SLC10A3: variants seen among roughly 807,000 people sequenced by gnomAD.
SLC10A3 encodes the protein solute carrier family 10 member 3.
A neutral mutation model predicts 1.9 loss-of-function variants in SLC10A3; 1 was observed. The ratio of observed to expected loss-of-function variants is 0.52; its 90% confidence interval spans 0.19 to 2.48. The LOEUF is 2.48. Among genes scored for constraint, SLC10A3 ranks in the 30% most tolerant of loss-of-function variants. SLC10A3 has a pLI of 0.25. For missense variants in SLC10A3, 317 were observed against 398.5 expected, an observed-to-expected ratio of 0.80 and a Z score of 1.74; for synonymous variants, 202 against 189.3, an observed-to-expected ratio of 1.07 and a Z score of -0.55.
Position 154,488,408 on chromosome X carries a change from G to A in SLC10A3, c.533C>T (p.Ala178Val), listed in dbSNP as rs782065564. Residue 178 changes from alanine (A) to valine (V), a missense_variant, in exon 2 of 2, where the codon GCC becomes GTC. Coordinates refer to ENST00000651600, the MANE Select transcript of SLC10A3 (RefSeq NM_019848.5). Reference sequence around the variant, plus strand: ...GTGGGCCAGGTCGGCGCTGAGGGTGGCAGGCGTGTCTTCAGCAGGTGAGAC... The same window carrying A: ...GTGGGCCAGGTCGGCGCTGAGGGTGACAGGCGTGTCTTCAGCAGGTGAGAC... ...IKVSPAEDTP[A>V]TLSADLAHFS... 8.3e-7 allele frequency: 1 copy of A among 1,211,269 alleles called. No homozygotes were observed. Among genetic ancestry groups the A allele is most frequent in the Non-Finnish European group, 1.1e-6 (1 of 895,183 alleles).
rs782316383 is a variant in SLC10A3, at chrX:154,487,964, G to A, written c.977C>T (p.Thr326Ile). 4.1e-6 allele frequency: 5 copies of A among 1,209,925 alleles called. No homozygotes were observed. Among genetic ancestry groups the A allele is most frequent in the Admixed American group, 2.2e-5 (1 of 45,860 alleles). The change falls in exon 2 of 2, where the codon ACC (threonine) becomes ATC (isoleucine). Residue 326 changes from threonine (T) to isoleucine (I), a missense_variant. Transcript: ENST00000651600. ...LHVPISKILG[T>I]LLFIAIPIAV... ...TATGGGGATGGCAATGAACAGCAGG[G>A]TCCCCAGGATCTTGGAGATGGGCAC... is the stretch of plus-strand genomic sequence containing the variant.
Position 154,488,541 on chromosome X carries a change from TCAC to T in SLC10A3, c.397_399del (p.Val133del), listed in dbSNP as rs782328181. Reference sequence around the variant, plus strand: ...AGCCCAGCCAGGCCTGAGTGGATGCTCACCACAAAGCCACCCCCGCCTCCCCAG... The same window carrying T: ...AGCCCAGCCAGGCCTGAGTGGATGCTCACAAAGCCACCCCCGCCTCCCCAG... On this transcript the variant is annotated inframe_deletion, in exon 2 of 2. Transcript: ENST00000651600. 5.0e-6 allele frequency: 6 copies of T among 1,210,021 alleles called. No homozygotes were observed. The highest frequency in any genetic ancestry group is 6.7e-6 in the Non-Finnish European group (6 of 894,784).
chrX:154,487,594 G>C lies in SLC10A3; in HGVS notation c.1347C>G (p.Pro449=). The C allele has an allele frequency of 8.3e-7, 1 of 1,210,560 alleles. No homozygotes were observed. Among genetic ancestry groups the C allele is most frequent in the Non-Finnish European group, 1.1e-6 (1 of 895,186 alleles). Residue 449 remains proline, a synonymous_variant, in exon 2 of 2, where the codon CCC becomes CCG. Coordinates refer to ENST00000651600, the MANE Select transcript of SLC10A3 (RefSeq NM_019848.5). ...RLQADYASQA[P]FIVALSGTSE... is the part of the protein sequence containing the mutation. The stretch of plus-strand genomic sequence containing the variant: ...AGGTGCCGCTCAGCGCCACAATGAA[G>C]GGGGCCTGGGAGGCATAGTCAGCTT...
Position 154,488,952 on chromosome X carries a change from G to A in SLC10A3, c.-12C>T, listed in dbSNP as rs781811986. The A allele has an allele frequency of 1.7e-6, 2 of 1,196,471 alleles. No individual in the cohort carries two copies. The highest frequency in any genetic ancestry group is 2.3e-6 in the Non-Finnish European group (2 of 888,084). ...TGCATTAACACCATGGCTCTTCCTG[G>A]AGGACGGATGGCGTGCCCAGGCCCT... is the stretch of plus-strand genomic sequence containing the variant. On this transcript the variant is annotated 5_prime_UTR_variant, in exon 2 of 2. Transcript: ENST00000651600.
At position 154,488,858 on chromosome X, in the gene SLC10A3, A is replaced by G. The variant is rs1557214005; in HGVS notation, c.83T>C (p.Met28Thr). The part of the protein sequence containing the change: ...GEGGGTGPLS[M>T]LRAALLLISL... The stretch of plus-strand genomic sequence containing the variant: ...GATGAGCAGCAGGGCAGCTCTGAGC[A>G]TGCTTAAGGGACCTGTGCCACCACC... Residue 28 changes from methionine (M) to threonine (T), a missense_variant, in exon 2 of 2, where the codon ATG becomes ACG. Met to Thr is a moderately conservative substitution (Grantham distance 81). Transcript: ENST00000651600. The G allele has an allele frequency of 8.3e-7, 1 of 1,210,670 alleles. No individual in the cohort carries two copies. Among genetic ancestry groups the G allele is most frequent in the Non-Finnish European group, 1.1e-6 (1 of 895,405 alleles).
chrX:154,488,801 C>T lies in SLC10A3; in HGVS notation c.140G>A (p.Ser47Asn), dbSNP rs1557213987. 2 of 1,209,690 alleles carry T rather than the reference C, an allele frequency of 1.7e-6. No individual in the cohort carries two copies. Among genetic ancestry groups the T allele is most frequent in the African/African-American group, 1.7e-5 (1 of 57,408 alleles). Residue 47 changes from serine (S) to asparagine (N), a missense_variant, in exon 2 of 2, where the codon AGC (serine) becomes AAC (asparagine). Coordinates refer to ENST00000651600, the MANE Select transcript of SLC10A3 (RefSeq NM_019848.5). Reference protein sequence around the residue: ...SLPWGAQGTASTSLSTAGGHT... With the variant: ...SLPWGAQGTANTSLSTAGGHT... Reference sequence around the variant, plus strand: ...ACCCCCAGCAGTGCTGAGGCTGGTGCTGGCTGTCCCTTGGGCCCCCCATGG... The same window carrying T: ...ACCCCCAGCAGTGCTGAGGCTGGTGTTGGCTGTCCCTTGGGCCCCCCATGG...
At position 154,488,173 on chromosome X, in the gene SLC10A3, C is replaced by T. The variant is rs782517127; in HGVS notation, c.768G>A (p.Leu256=). ...KVFMLPKALA[L]GLIITCSSPG... is the part of the protein sequence containing the mutation. ...GCGACGAGCAGGTGATGATGAGGCC[C>T]AGAGCCAGGGCCTTGGGCAGCATGA... Residue 256 remains leucine (L), a synonymous_variant, in exon 2 of 2, where the codon CTG becomes CTA. Coordinates refer to ENST00000651600, the MANE Select transcript of SLC10A3 (RefSeq NM_019848.5). 4.1e-6 allele frequency: 5 copies of T among 1,211,485 alleles called. No individual in the cohort carries two copies. The South Asian group carries it at 8.8e-5, about 21-fold the overall frequency.
Position 154,487,411 on chromosome X carries a change from TA to T in SLC10A3, c.*95del. 8.6e-6 allele frequency: 9 copies of T among 1,049,722 alleles called. No homozygotes were observed. The highest frequency in any genetic ancestry group is 1.1e-5 in the Non-Finnish European group (9 of 782,896). 86.5% of individuals were successfully genotyped at this position (1,049,722 alleles called of 1,213,427 possible). On this transcript the variant is annotated 3_prime_UTR_variant, in exon 2 of 2. Coordinates refer to ENST00000651600, the MANE Select transcript of SLC10A3 (RefSeq NM_019848.5). ...TGAAAGCTGGAGAATAAAAAATCAG[TA>T]AAAAAAATAAGCCTGGATTTTTCTG...
Position 154,487,581 on chromosome X carries a change from G to A in SLC10A3, c.1360C>T (p.Leu454=). The A allele has an allele frequency of 8.3e-7, 1 of 1,210,797 alleles. No homozygotes were observed. The highest frequency in any genetic ancestry group is 1.1e-6 in the Non-Finnish European group (1 of 895,328). The change falls in exon 2 of 2, where the codon CTG becomes TTG. Residue 454 remains leucine, a synonymous_variant. Transcript: ENST00000651600. ...YASQAPFIVA[L]SGTSEMLALV... ...GCCAGCATCTCGGAGGTGCCGCTCA[G>A]CGCCACAATGAAGGGGGCCTGGGAG...
At position 154,488,783 on chromosome X, in the gene SLC10A3, G is replaced by T. The variant is rs1557213979; in HGVS notation, c.158C>A (p.Ala53Asp). Residue 53 changes from alanine to aspartate, a missense_variant, in exon 2 of 2, where the codon GCT (alanine) becomes GAT (aspartate). Ala to Asp is a moderately radical substitution (Grantham distance 126, BLOSUM62 -2). Coordinates refer to ENST00000651600, the MANE Select transcript of SLC10A3 (RefSeq NM_019848.5). ...QGTASTSLSTAGGHTVPPTGG... is the reference protein window; with the variant it reads ...QGTASTSLSTDGGHTVPPTGG... The stretch of plus-strand genomic sequence containing the variant: ...AGTCGGTGGCACGGTGTGACCCCCA[G>T]CAGTGCTGAGGCTGGTGCTGGCTGT... 2 of 1,211,249 alleles carry T rather than the reference G, an allele frequency of 1.7e-6. No individual in the cohort carries two copies. Among genetic ancestry groups the T allele is most frequent in the South Asian group, 3.5e-5 (2 of 57,032 alleles).
rs1557213539 is a variant in SLC10A3, at chrX:154,488,023, G to A, written c.918C>T (p.Tyr306=). Reference sequence around the variant, plus strand: ...TCTCATGGATGCTGAGCAGGCGGCTGTAGATGGCCGAAGACAGAGGCAAGA... The same window carrying A: ...TCTCATGGATGCTGAGCAGGCGGCTATAGATGGCCGAAGACAGAGGCAAGA... ...TGFLPLSSAI[Y]SRLLSIHETL... The change falls in exon 2 of 2, where the codon TAC becomes TAT. Residue 306 remains tyrosine, a synonymous_variant. Transcript: ENST00000651600. 1.1e-5 allele frequency: 13 copies of A among 1,211,475 alleles called. No individual in the cohort carries two copies. The highest frequency in any genetic ancestry group is 1.5e-5 in the Non-Finnish European group (13 of 895,521).
At chrX:154,489,624 C>T in intron 1 of SLC10A3, 1 of 754,428 alleles carries the variant, frequency 1.3e-6, no homozygotes, top group Non-Finnish European at 1.6e-6. Context: ...GCAACACCCC[C>T]TTCCACTTCT....
chrX:154,487,719 T>A lies in SLC10A3; in HGVS notation c.1222A>T (p.Lys408Ter). Residue 408 changes from lysine (K) to a stop codon, truncating the protein, a stop_gained, in exon 2 of 2, where the codon AAG becomes TAG. Transcript: ENST00000651600. LOFTEE classifies it high-confidence loss of function. ...GTCCGCCGCTGGGCCACTGGCAGCT[T>A]CAGACACGTGGCTAGGCAGTAGCCC... ...LVGYCLATCL[K>*]LPVAQRRTVS... The A allele has an allele frequency of 8.3e-7, 1 of 1,210,629 alleles. No homozygotes were observed. Among genetic ancestry groups the A allele is most frequent in the Non-Finnish European group, 1.1e-6 (1 of 895,216 alleles).
At position 154,487,909 on chromosome X, in the gene SLC10A3, G is replaced by A. The variant is rs140556326; in HGVS notation, c.1032C>T (p.Leu344=). 250 of 1,210,146 alleles carry A rather than the reference G, an allele frequency of 2.1e-4. No individual in the cohort carries two copies. Among genetic ancestry groups the A allele is most frequent in the Non-Finnish European group, 2.6e-4 (229 of 895,375 alleles). The change falls in exon 2 of 2, where the codon CTC becomes CTT. Residue 344 remains leucine, a synonymous_variant. Transcript: ENST00000651600. ...IAVGVLIKSK[L]PKFSQLLLQV... ...GCAGCAGCAGCTGGGAGAACTTGGG[G>A]AGCTTGGACTTGATCAGCACGCCCA...
At chrX:154,489,385 G>C in intron 1 of SLC10A3, 1 of 754,657 alleles carries the variant, frequency 1.3e-6, no homozygotes, top group African/African-American at 2.3e-5. Context: ...CCCTCCCCAG[G>C]GAAGTTGCCA....
intron 1 of SLC10A3, chrX:154,489,963 A>T (rs2069362982): frequency 4.6e-6 from 5 of 1,078,049 alleles, no homozygotes; most frequent in Non-Finnish European, 6.1e-6. Context: ...TGGTCCAGCC[A>T]TGTGTCTTAC....
chrX:154,487,827 G>T lies in SLC10A3; in HGVS notation c.1114C>A (p.Arg372Ser). The change falls in exon 2 of 2, where the codon CGC becomes AGC. Residue 372 changes from arginine to serine, a missense_variant. Physicochemically the swap from Arg to Ser is moderately radical, Grantham distance 110. Coordinates refer to ENST00000651600, the MANE Select transcript of SLC10A3 (RefSeq NM_019848.5). ...LLLGGLFLAY[R>S]MGVFILAGIR... The stretch of plus-strand genomic sequence containing the variant: ...CCTGCCAGGATGAAGACCCCCATGC[G>T]ATAGGCCAGGAAGAGGCCGCCCAGG... The T allele has an allele frequency of 8.3e-7, 1 of 1,211,302 alleles. No homozygotes were observed. Among genetic ancestry groups the T allele is most frequent in the Non-Finnish European group, 1.1e-6 (1 of 895,519 alleles).
chrX:154,488,028 T>A lies in SLC10A3; in HGVS notation c.913A>T (p.Ile305Phe). The change falls in exon 2 of 2, where the codon ATC (isoleucine) becomes TTC (phenylalanine). Residue 305 changes from isoleucine (I) to phenylalanine (F), a missense_variant. Transcript: ENST00000651600. ...ATGFLPLSSA[I>F]YSRLLSIHET... ...TGGATGCTGAGCAGGCGGCTGTAGA[T>A]GGCCGAAGACAGAGGCAAGAAGCCA... The A allele has an allele frequency of 1.7e-6, 2 of 1,211,000 alleles. No homozygotes were observed. Among genetic ancestry groups the A allele is most frequent in the Non-Finnish European group, 2.2e-6 (2 of 895,400 alleles).
rs1486242056 is a variant in SLC10A3 at position 154,489,613 on chromosome X, A to T, written c.-142-531T>A. On this transcript the variant is annotated intron_variant, in intron 1 of 1. Coordinates refer to ENST00000651600, the MANE Select transcript of SLC10A3 (RefSeq NM_019848.5). ...GGAATTATGAGTGTTTCTAGCGGCCAGCAACACCCCCTTCCACTTCTCAAT... is the reference window on the plus strand; with the variant it reads ...GGAATTATGAGTGTTTCTAGCGGCCTGCAACACCCCCTTCCACTTCTCAAT... The T allele has an allele frequency of 4.0e-6, 3 of 752,629 alleles. No individual in the cohort carries two copies. In the African/African-American group the frequency reaches 6.9e-5, roughly 17 times the overall value. The allele number at this position is 752,629 out of a possible 1,213,427, so 62.0% of individuals were successfully genotyped here. A position where few individuals can be genotyped will look rare whatever the true frequency, so the allele number is the denominator to read the frequency against.
Sources: allele counts gnomAD v4.1 joint callset, GRCh38; gene constraint gnomAD v4.1.1; transcripts MANE v1.5; gene names NCBI Gene and HGNC (gene_info 2026-07-23, HGNC 2026-07-21).